CMTM8: variants seen among roughly 807,000 people sequenced by gnomAD.
The protein encoded by CMTM8 is CKLF like MARVEL transmembrane domain containing 8.
CMTM8 carries 12 observed loss-of-function variants against 18.6 expected under a neutral mutation model. The ratio of observed to expected loss-of-function variants is 0.65; its 90% CI spans 0.41 to 1.05. The LOEUF is 1.05. CMTM8 is among the 50% of genes least tolerant of loss of function. The pLI, the probability that CMTM8 is intolerant of heterozygous loss-of-function variation, is 0.00. For missense variants in CMTM8, 217 were observed against 227.2 expected (o/e 0.95, Z 0.29); for synonymous variants, 87 against 90.6 (o/e 0.96, Z 0.23).
intron 1 of CMTM8, among the ~76,000 whole-genome samples, chr3:32,349,542 G>C (rs1231368519): frequency 2.0e-5 from 3 of 152,134 alleles, no homozygotes; most frequent in Non-Finnish European, 4.4e-5. Flanking sequence ...TTCTCAATCA[G>C]AAGTAATTTT....
At chr3:32,244,808 T>C (rs1250588120) in intron 1 of CMTM8, among the ~76,000 whole-genome samples, 1 of 152,236 alleles carries the variant, frequency 6.6e-6, no homozygotes, top group African/African-American at 2.4e-5. Flanking sequence ...CCAGTGCTTT[T>C]CTTGAGGAAA....
rs748651625 is a variant in CMTM8 at position 32,369,845 on chromosome 3, G to T, written c.439-39G>T. On this transcript the variant is annotated intron_variant, in intron 3 of 3. Transcript: ENST00000307526. ...TGATAACTTTTGCTAATTAGGATGT[G>T]CCCTAAACCCCACTTCTATTATGCT... 6.6e-6 allele frequency: 9 copies of T among 1,365,410 alleles called. No homozygotes were observed. The South Asian group carries it at 1.1e-4, about 16-fold the overall frequency. 84.6% of individuals were successfully genotyped at this position (1,365,410 alleles called of 1,614,324 possible). A position where few individuals can be genotyped will look rare whatever the true frequency, so the allele number is the denominator to read the frequency against.
chr3:32,282,383 T>C (rs1179880112), intron 1 of CMTM8, among the ~76,000 whole-genome samples: 1 of 152,100 alleles, frequency 6.6e-6, no homozygotes, highest in Admixed American at 6.6e-5. Context: ...ATAAAATAAT[T>C]ATGAGATGAT....
At chr3:32,342,179 C>T (rs1696511216) in intron 1 of CMTM8, among the ~76,000 whole-genome samples, 2 of 152,038 alleles carry the variant, frequency 1.3e-5, no homozygotes, top group South Asian at 2.1e-4. Context: ...ACCCAGGAGG[C>T]GGAGGTTGCA....
intron 1 of CMTM8, among the ~76,000 whole-genome samples, chr3:32,298,951 A>AT (rs1460137883): frequency 7.5e-6 from 1 of 133,690 alleles, no homozygotes; most frequent in African/African-American, 2.7e-5. Flanking sequence ...GTATATATAT[A>AT]TATATTTTTT....
intron 1 of CMTM8, among the ~76,000 whole-genome samples, chr3:32,326,902 A>T (rs182988702): frequency 6.6e-6 from 1 of 152,142 alleles, no homozygotes; most frequent in South Asian, 2.1e-4. Flanking sequence ...TGAATCTCTC[A>T]ACATGTCTTG....
intron 1 of CMTM8, among the ~76,000 whole-genome samples, chr3:32,250,115 T>C (rs982784797): frequency 6.6e-6 from 1 of 152,188 alleles, no homozygotes; most frequent in African/African-American, 2.4e-5. Flanking sequence ...CCCAGCACCA[T>C]TTATTAAAAG....
At chr3:32,328,086 T>A (rs911039570) in intron 1 of CMTM8, among the ~76,000 whole-genome samples, 8 of 151,968 alleles carry the variant, frequency 5.3e-5, no homozygotes, top group Non-Finnish European at 8.8e-5. Flanking sequence ...ACAAAAAAAA[T>A]TTTTAAGTGA....
intron 2 of CMTM8, among the ~76,000 whole-genome samples, chr3:32,362,046 C>CTTTTTTTTTTTTTTTTTTTTTT (rs60064096): frequency 2.2e-5 from 2 of 92,062 alleles, no homozygotes; most frequent in African/African-American, 3.9e-5. Context: ...ATTTTCTTTT[C>CTTTTTTTTTTTTTTTTTTTTTT]TTTTTTTTTT....
intron 1 of CMTM8, among the ~76,000 whole-genome samples, chr3:32,289,299 C>G (rs1324413505): frequency 6.6e-6 from 1 of 152,224 alleles, no homozygotes; most frequent in Non-Finnish European, 1.5e-5. Flanking sequence ...AATTAACCAA[C>G]ACTATGTGTG....
intron 1 of CMTM8, among the ~76,000 whole-genome samples, chr3:32,310,403 G>T (rs1211436681): frequency 6.6e-6 from 1 of 152,186 alleles, no homozygotes; most frequent in African/African-American, 2.4e-5. Context: ...GTCTGGAGAT[G>T]CTTTAGAGAT....
At chr3:32,348,597 C>A (rs541912729) in intron 1 of CMTM8, among the ~76,000 whole-genome samples, 8 of 140,026 alleles carry the variant, frequency 5.7e-5, no homozygotes, top group African/African-American at 2.1e-4. Flanking sequence ...CTCCTAGGCT[C>A]AAGCAATCCT....
intron 1 of CMTM8, among the ~76,000 whole-genome samples, chr3:32,302,183 A>G: frequency 6.6e-6 from 1 of 152,000 alleles, no homozygotes; most frequent in Admixed American, 6.5e-5. Flanking sequence ...TGTCATAACT[A>G]CTTGGAGGTG....
chr3:32,352,329 TA>T (rs1326137554), intron 1 of CMTM8, among the ~76,000 whole-genome samples: 1 of 152,004 alleles, frequency 6.6e-6, no homozygotes, highest in Non-Finnish European at 1.5e-5. Context: ...AAATGCAAAT[TA>T]AAGTAGAAAC....
chr3:32,257,704 AG>A (rs1463661315), intron 1 of CMTM8, among the ~76,000 whole-genome samples: 1 of 151,914 alleles, frequency 6.6e-6, no homozygotes, highest in East Asian at 1.9e-4. Flanking sequence ...GTTTACCGAG[AG>A]ACCACTTCTG....
chr3:32,321,266 G>GC (rs2125577517), intron 1 of CMTM8, among the ~76,000 whole-genome samples: 1 of 152,246 alleles, frequency 6.6e-6, no homozygotes, highest in South Asian at 2.1e-4. Flanking sequence ...TCACATGTCA[G>GC]CTTGTTCACT....
At chr3:32,249,030 CTTTTTTTTTTTT>C (rs58156524) in intron 1 of CMTM8, among the ~76,000 whole-genome samples, 3 of 62,462 alleles carry the variant, frequency 4.8e-5, no homozygotes, top group Non-Finnish European at 8.1e-5. Context: ...AATGTGGAAT[CTTTTTTTTTTTT>C]TTTTTTTTTT....
At chr3:32,331,364 A>G (rs946003554) in intron 1 of CMTM8, among the ~76,000 whole-genome samples, 2 of 152,330 alleles carry the variant, frequency 1.3e-5, no homozygotes, top group Admixed American at 6.5e-5. Flanking sequence ...TGCCTTGCAC[A>G]TGGGAATGTA....
intron 1 of CMTM8, among the ~76,000 whole-genome samples, chr3:32,283,598 G>A (rs757195820): frequency 3.3e-5 from 5 of 152,182 alleles, no homozygotes; most frequent in East Asian, 1.9e-4. Flanking sequence ...GCAGTTGACC[G>A]TCATATGGGT....
Sources: allele counts gnomAD v4.1 joint callset (sites outside exome capture counted in the v4.1 genomes callset), GRCh38; gene constraint gnomAD v4.1.1; transcripts MANE v1.5; gene names NCBI Gene and HGNC (gene_info 2026-07-23, HGNC 2026-07-21).